The following MGAT4C variants were observed in gnomAD, a reference collection of about 807,000 sequenced individuals.
MGAT4C encodes the protein MGAT4 family member C.
MGAT4C carries 19 observed loss-of-function variants against 40.1 expected under a neutral mutation model. That is an observed-to-expected ratio of 0.47 (90% CI 0.33 to 0.70). The LOEUF is 0.70. Among genes scored for constraint, MGAT4C ranks in the 30% least tolerant of loss-of-function variants. The pLI, the probability that MGAT4C is intolerant of heterozygous loss-of-function variation, is 0.02. For synonymous variants in MGAT4C, 181 were observed against 187.1 expected, an observed-to-expected ratio of 0.97 and a Z score of 0.27; for missense variants, 491 against 563.2, an observed-to-expected ratio of 0.87 and a Z score of 1.30.
At chr12:86,302,334 G>T (rs1198082854) in intron 4 of MGAT4C, among the ~76,000 whole-genome samples, 1 of 150,696 alleles carries the variant, frequency 6.6e-6, no homozygotes, top group Non-Finnish European at 1.5e-5. Flanking sequence ...TATTGTACAA[G>T]AATCCATAAT....
intron 2 of MGAT4C, among the ~76,000 whole-genome samples, chr12:86,558,453 C>T (rs938837268): frequency 2.6e-5 from 4 of 151,978 alleles, no homozygotes; most frequent in South Asian, 2.1e-4. Context: ...ATAATAACAG[C>T]AAGAGAAAAG....
intron 1 of MGAT4C, among the ~76,000 whole-genome samples, chr12:86,200,127 G>GTTTTTTTTTTTTTTTTTTTTTTTTTTT (rs56844963): frequency 9.8e-6 from 1 of 102,356 alleles, no homozygotes; most frequent in Admixed American, 9.2e-5. Flanking sequence ...GTATGTATTT[G>GTTTTTTTTTTTTTTTTTTTTTTTTTTT]TTTTTTTTTT....
chr12:86,436,958 G>C (rs1185083398), intron 2 of MGAT4C, among the ~76,000 whole-genome samples: 1 of 151,676 alleles, frequency 6.6e-6, no homozygotes, highest in Non-Finnish European at 1.5e-5. Context: ...GTTAAGTTCT[G>C]AGGTTATGGG....
At chr12:86,198,169 A>G (rs1018456135) in intron 1 of MGAT4C, among the ~76,000 whole-genome samples, 2 of 152,190 alleles carry the variant, frequency 1.3e-5, no homozygotes, top group African/African-American at 4.8e-5. Context: ...TGTTGTCACT[A>G]TGAAACATAC....
At chr12:86,375,600 T>A (rs1334266704) in intron 3 of MGAT4C, among the ~76,000 whole-genome samples, 2 of 152,060 alleles carry the variant, frequency 1.3e-5, no homozygotes, top group Non-Finnish European at 2.9e-5. Flanking sequence ...CTAGGATACA[T>A]CATTTTAGGT....
intron 2 of MGAT4C, among the ~76,000 whole-genome samples, chr12:86,665,213 C>G (rs560349429): frequency 5.9e-5 from 9 of 152,174 alleles, no homozygotes; most frequent in African/African-American, 1.9e-4. Flanking sequence ...ATAGGGGATA[C>G]AGTATTCAGT....
At chr12:86,060,566 A>C (rs1893852815) in intron 1 of MGAT4C, among the ~76,000 whole-genome samples, 1 of 152,200 alleles carries the variant, frequency 6.6e-6, no homozygotes, top group Non-Finnish European at 1.5e-5. Context: ...ATAAAATTAT[A>C]TCCTAGGAAT....
chr12:86,623,441 G>GT lies in MGAT4C; in HGVS notation c.-229+103767dup, dbSNP rs564874137. Among the ~76,000 whole-genome samples the GT allele has an allele frequency of 1.4e-4, 22 of 151,992 alleles. No individual in the cohort carries two copies. The East Asian group carries it at 2.5e-3, about 17-fold the overall frequency. ...TTACAGTAAGCATTAAAAGTTATCA[G>GT]TTTTTTTTAAAATGTATCAATGAAC... On this transcript the variant is annotated intron_variant, in intron 2 of 7. Transcript: ENST00000548651.
intron 2 of MGAT4C, among the ~76,000 whole-genome samples, chr12:86,489,152 T>C (rs552462683): frequency 6.6e-6 from 1 of 152,212 alleles, no homozygotes; most frequent in Non-Finnish European, 1.5e-5. Context: ...AGCAGCTGGA[T>C]ATCAGGGAGA....
At chr12:86,686,016 C>T (rs1233892957) in intron 2 of MGAT4C, among the ~76,000 whole-genome samples, 4 of 146,800 alleles carry the variant, frequency 2.7e-5, no homozygotes, top group Non-Finnish European at 6.0e-5. Context: ...GCACCTGCCA[C>T]CATGCCTGGC....
At chr12:86,545,894 T>C (rs1050584477) in intron 2 of MGAT4C, among the ~76,000 whole-genome samples, 6 of 152,032 alleles carry the variant, frequency 3.9e-5, no homozygotes, top group Admixed American at 1.3e-4. Context: ...TATGAATGTG[T>C]CAGTGAATAA....
chr12:86,332,864 T>A (rs1244352455), intron 4 of MGAT4C, among the ~76,000 whole-genome samples: 3 of 152,180 alleles, frequency 2.0e-5, no homozygotes, highest in African/African-American at 7.2e-5. Context: ...ATTAACATTT[T>A]TTTTGTTACA....
At chr12:86,175,176 A>G (rs1475732567) in intron 1 of MGAT4C, among the ~76,000 whole-genome samples, 1 of 152,190 alleles carries the variant, frequency 6.6e-6, no homozygotes, top group Non-Finnish European at 1.5e-5. Flanking sequence ...TGTACGATAT[A>G]ATCAAGTTTT....
intron 1 of MGAT4C, among the ~76,000 whole-genome samples, chr12:86,132,916 T>C (rs2135716317): frequency 6.6e-6 from 1 of 152,202 alleles, no homozygotes; most frequent in East Asian, 1.9e-4. Context: ...CTTCTAAACA[T>C]GGCATCATTC....
intron 2 of MGAT4C, among the ~76,000 whole-genome samples, chr12:86,606,077 C>A (rs536661918): frequency 6.6e-6 from 1 of 151,788 alleles, no homozygotes; most frequent in Non-Finnish European, 1.5e-5. Context: ...GGGAAAGAGC[C>A]TCTTATAAAA....
chr12:86,115,315 A>T (rs1172057185), intron 1 of MGAT4C, among the ~76,000 whole-genome samples: 2 of 151,974 alleles, frequency 1.3e-5, no homozygotes, highest in Non-Finnish European at 2.9e-5. Flanking sequence ...GAGTGGAAAA[A>T]GGTGGAGGAA....
chr12:86,248,170 T>C (rs919677697), intron 1 of MGAT4C, among the ~76,000 whole-genome samples: 10 of 151,892 alleles, frequency 6.6e-5, no homozygotes, highest in African/African-American at 2.4e-4. Context: ...ATGTCTAAAG[T>C]ACACAAAGAA....
chr12:86,184,382 A>C (rs2135878162), intron 1 of MGAT4C, among the ~76,000 whole-genome samples: 1 of 152,058 alleles, frequency 6.6e-6, no homozygotes, highest in African/African-American at 2.4e-5. Flanking sequence ...TTTAAAAAAA[A>C]AAAAAAGCTT....
chr12:86,726,377 T>C (rs1950822017), intron 2 of MGAT4C, among the ~76,000 whole-genome samples: 1 of 152,182 alleles, frequency 6.6e-6, no homozygotes, highest in African/African-American at 2.4e-5. Context: ...AAATTGTCCA[T>C]TTGAATAACA....
Sources: gnomAD v4.1 joint callset for allele counts (sites outside exome capture counted in the v4.1 genomes callset) on GRCh38, gnomAD v4.1.1 for gene constraint, MANE v1.5 for transcripts, NCBI Gene and HGNC (gene_info 2026-07-23, HGNC 2026-07-21) for gene names.